PTPRE: variants seen among roughly 807,000 people sequenced by gnomAD.
The protein encoded by PTPRE is protein tyrosine phosphatase receptor type E.
Under a neutral mutation model 102.0 loss-of-function variants are expected in PTPRE, and 51 were observed. The observed-to-expected ratio is 0.50, with a 90% CI of 0.40 to 0.63. The LOEUF is 0.63. Among genes scored for constraint, PTPRE ranks in the 30% least tolerant of loss-of-function variants. PTPRE has a pLI of 0.00. For synonymous variants in PTPRE, 345 were observed against 348.2 expected (o/e 0.99, Z 0.10); for missense variants, 752 against 915.1 (o/e 0.82, Z 2.30).
chr10:127,994,070 T>C (rs1852991694), intron 2 of PTPRE, among the ~76,000 whole-genome samples: 1 of 152,140 alleles, frequency 6.6e-6, no homozygotes, highest in African/African-American at 2.4e-5. Context: ...AGAGATAAAA[T>C]TCTTATGACA....
intron 1 of PTPRE, among the ~76,000 whole-genome samples, chr10:127,912,869 G>C (rs1221725013): frequency 6.6e-6 from 1 of 152,252 alleles, no homozygotes; most frequent in African/African-American, 2.4e-5. Flanking sequence ...AGCCTGTCCA[G>C]GTAGCAGTGG....
In PTPRE at chr10:127,953,521, C is replaced by T. The variant is rs556201763; in HGVS notation, c.-30-28753C>T. On this transcript the variant is annotated intron_variant, in intron 1 of 20. Transcript: ENST00000254667. ...AAACCATAAAGATGGGCATGCACAG[C>T]AGCACACTATGATAAAATGGAAGCG... is the stretch of plus-strand genomic sequence containing the variant. Among the ~76,000 whole-genome samples the T allele has an allele frequency of 9.8e-5, 15 of 152,298 alleles. 1 individual carries two copies. In the South Asian group the frequency reaches 3.1e-3, roughly 32 times the overall value.
In PTPRE at chr10:127,931,038, G is replaced by A. The variant is rs151133059; in HGVS notation, c.-31+23729G>A. Among the ~76,000 whole-genome samples, 450 of 152,126 alleles carry A rather than the reference G, an allele frequency of 3.0e-3. 3 individuals carry two copies. Among genetic ancestry groups the A allele is most frequent in the African/African-American group, 0.01 (423 of 41,512 alleles). ...AATCTCCTGACCTCGTGATCCACCC[G>A]CCTCGGCCTTCCAAAGTGCTGGGAT... On this transcript the variant is annotated intron_variant, in intron 1 of 20. Coordinates refer to ENST00000254667, the MANE Select transcript of PTPRE (RefSeq NM_006504.6).
intron 1 of PTPRE, among the ~76,000 whole-genome samples, chr10:127,916,240 G>A (rs1846198423): frequency 6.6e-6 from 1 of 152,144 alleles, no homozygotes; most frequent in East Asian, 1.9e-4. Flanking sequence ...GGACCTTGTA[G>A]GAGGTGATTA....
chr10:127,994,325 T>G (rs866405362), intron 2 of PTPRE, among the ~76,000 whole-genome samples: 23 of 152,302 alleles, frequency 1.5e-4, no homozygotes, highest in African/African-American at 5.3e-4. Flanking sequence ...CCCTGCCCAC[T>G]CTATCTGATG....
chr10:128,083,102 C>A lies in PTPRE; in HGVS notation c.*196C>A, dbSNP rs556655289. On this transcript the variant is annotated 3_prime_UTR_variant, in exon 21 of 21. Coordinates refer to ENST00000254667, the MANE Select transcript of PTPRE (RefSeq NM_006504.6). The stretch of plus-strand genomic sequence containing the variant: ...AAAAATTGGAATAATGTATTAAGGT[C>A]AAATAATATCCCATAAAATATATAT... 394 of 381,182 alleles carry A rather than the reference C, an allele frequency of 1.0e-3. 2 individuals are homozygous for A. The highest frequency in any genetic ancestry group is 7.6e-3 in the African/African-American group (362 of 47,734). The allele number at this position is 381,182 out of a possible 1,614,324, so 23.6% of individuals were successfully genotyped here. A position where few individuals can be genotyped will look rare whatever the true frequency, so the allele number is the denominator to read the frequency against.
chr10:127,953,194 G>A (rs1158608563), intron 1 of PTPRE, among the ~76,000 whole-genome samples: 1 of 152,246 alleles, frequency 6.6e-6, no homozygotes, highest in African/African-American at 2.4e-5. Context: ...CCAGGCTGCT[G>A]GGCAAGCTGC....
intron 1 of PTPRE, among the ~76,000 whole-genome samples, chr10:127,967,298 G>C (rs564483307): frequency 6.6e-6 from 1 of 152,316 alleles, no homozygotes; most frequent in African/African-American, 2.4e-5. Context: ...TGGTTTGGCT[G>C]TGTCCCCACC....
chr10:128,079,175 C>T (rs970027551), intron 19 of PTPRE, among the ~76,000 whole-genome samples: 6 of 152,162 alleles, frequency 3.9e-5, no homozygotes, highest in African/African-American at 1.4e-4. Context: ...CTTCCTAGAC[C>T]TGAACTGGGA....
intron 2 of PTPRE, among the ~76,000 whole-genome samples, chr10:128,033,239 T>C (rs1164719230): frequency 6.6e-6 from 1 of 152,208 alleles, no homozygotes; most frequent in African/African-American, 2.4e-5. Context: ...CTAATTTTGC[T>C]CATCTTCAAT....
intron 2 of PTPRE, among the ~76,000 whole-genome samples, chr10:128,034,913 T>G (rs1847085544): frequency 6.6e-6 from 1 of 152,248 alleles, no homozygotes; most frequent in Non-Finnish European, 1.5e-5. Context: ...GTGCTGAGAA[T>G]AAGTATTATT....
chr10:128,047,562 C>G, intron 4 of PTPRE, 73 bp downstream of exon 4: 1 of 1,610,878 alleles, frequency 6.2e-7, no homozygotes, highest in South Asian at 1.1e-5. Context: ...ATGCTGTGGG[C>G]GTGGGCTGTG....
At chr10:128,076,396 C>T (rs775818353) in intron 17 of PTPRE, among the ~76,000 whole-genome samples, 1 of 152,010 alleles carries the variant, frequency 6.6e-6, no homozygotes, top group Non-Finnish European at 1.5e-5. Context: ...GTTAAGGTTT[C>T]ATATATATAT....
At chr10:127,960,679 T>G (rs1472507982) in intron 1 of PTPRE, among the ~76,000 whole-genome samples, 3 of 152,188 alleles carry the variant, frequency 2.0e-5, no homozygotes, top group Admixed American at 6.5e-5. Flanking sequence ...CAGATCTTGC[T>G]CTGATTTATC....
intron 2 of PTPRE, among the ~76,000 whole-genome samples, chr10:127,988,607 C>T (rs556208536): frequency 5.9e-5 from 9 of 152,136 alleles, no homozygotes; most frequent in South Asian, 2.1e-4. Context: ...ACCTGGCCTG[C>T]GGTGACTTTT....
intron 1 of PTPRE, among the ~76,000 whole-genome samples, chr10:127,980,338 C>CTTTTTTTTTT (rs11336623): frequency 6.9e-6 from 1 of 143,974 alleles, no homozygotes. Context: ...TATACAAATC[C>CTTTTTTTTTT]TTTTTTTTTT....
At chr10:127,972,998 G>A (rs1850875846) in intron 1 of PTPRE, among the ~76,000 whole-genome samples, 1 of 152,264 alleles carries the variant, frequency 6.6e-6, no homozygotes. Flanking sequence ...CCTTGAGAAT[G>A]ATGGATGCAC....
chr10:128,020,499 C>T (rs973539152), intron 2 of PTPRE, among the ~76,000 whole-genome samples: 4 of 152,252 alleles, frequency 2.6e-5, no homozygotes, highest in Non-Finnish European at 5.9e-5. Flanking sequence ...TACTGTGGCT[C>T]AGTATTTGGG....
chr10:128,001,137 T>C (rs1226699171), intron 2 of PTPRE, among the ~76,000 whole-genome samples: 2 of 152,216 alleles, frequency 1.3e-5, no homozygotes, highest in Non-Finnish European at 2.9e-5. Context: ...TGAAAGGGCT[T>C]CCATTACCTT....
Sources: gnomAD v4.1 joint callset for allele counts (sites outside exome capture counted in the v4.1 genomes callset) on GRCh38, gnomAD v4.1.1 for gene constraint, MANE v1.5 for transcripts, NCBI Gene and HGNC (gene_info 2026-07-23, HGNC 2026-07-21) for gene names.